Variants in EXOC4 observed in about 807,000 individuals in gnomAD.
The protein encoded by EXOC4 is SEC8-like 1.
EXOC4 carries 71 observed loss-of-function variants against 107.2 expected under a neutral mutation model. The ratio of observed to expected loss-of-function variants is 0.66; its 90% CI spans 0.55 to 0.81. EXOC4 has a LOEUF of 0.81. Among genes scored for constraint, EXOC4 ranks in the 30% least tolerant of loss-of-function variants. The pLI is 0.00. For missense variants in EXOC4, 1,108 were observed against 1,189.6 expected, an observed-to-expected ratio of 0.93 and a Z score of 1.01; for synonymous variants, 456 against 441.2, an observed-to-expected ratio of 1.03 and a Z score of -0.42.
At chr7:133,424,901 C>G (rs1020377709) in intron 7 of EXOC4, among the ~76,000 whole-genome samples, 1 of 152,150 alleles carries the variant, frequency 6.6e-6, no homozygotes, top group South Asian at 2.1e-4. Context: ...GAGGCAAAGC[C>G]TGTATAAACT....
rs527410978 is a variant in EXOC4 at position 133,518,009 on chromosome 7, T to A, written c.1417+37871T>A. On this transcript the variant is annotated intron_variant, in intron 9 of 17. Coordinates refer to ENST00000253861, the MANE Select transcript of EXOC4 (RefSeq NM_021807.4). ...GACTGGCTCGATTAGGGTTGGATGA[T>A]CTAGGATGGTGCCAGATGGGATGCT... Among the ~76,000 whole-genome samples, 3 of 152,028 alleles carry A rather than the reference T, an allele frequency of 2.0e-5. No individual in the cohort carries two copies. In the East Asian group the frequency reaches 5.8e-4, roughly 29 times the overall value.
intron 10 of EXOC4, among the ~76,000 whole-genome samples, chr7:133,674,386 T>TA (rs1462933917): frequency 7.2e-5 from 11 of 152,234 alleles, no homozygotes; most frequent in Admixed American, 2.6e-4. Context: ...TGGATTTTTT[T>TA]ATACATTCAT....
Position 133,884,016 on chromosome 7 carries a change from G to C in EXOC4, c.1735-11583G>C, listed in dbSNP as rs189801990. On this transcript the variant is annotated intron_variant, in intron 11 of 17. Transcript: ENST00000253861. ...CAGCTTAGAGCTGATAGTAACTGGA[G>C]AGACAATATGATATGACAAGTTTTA... 3.4e-3 allele frequency among the ~76,000 whole-genome samples: 522 copies of C among 152,330 alleles called. 4 individuals are homozygous for C. Among genetic ancestry groups the C allele is most frequent in the Admixed American group, 6.5e-3 (100 of 15,298 alleles).
intron 9 of EXOC4, among the ~76,000 whole-genome samples, chr7:133,535,047 C>T (rs1270819834): frequency 6.6e-6 from 1 of 152,120 alleles, no homozygotes; most frequent in African/African-American, 2.4e-5. Flanking sequence ...CATTTGTGCT[C>T]ACAATATCTG....
downstream of EXOC4, chr7:134,066,586 T>A (rs1796180849): frequency 6.6e-6 from 1 of 152,180 alleles, no homozygotes; most frequent in Non-Finnish European, 1.5e-5. Context: ...CAGTCTTTAT[T>A]CTTCCACAGG....
chr7:134,021,630 G>A (rs2346443), intron 17 of EXOC4, among the ~76,000 whole-genome samples: 113,819 of 151,496 alleles, frequency 0.75, 43,949 homozygotes, highest in African/African-American at 0.93. Context: ...GTTGCCGTGT[G>A]ATGATTTCCA....
At chr7:133,456,206 A>G (rs1309815030) in intron 7 of EXOC4, among the ~76,000 whole-genome samples, 3 of 152,198 alleles carry the variant, frequency 2.0e-5, no homozygotes, top group African/African-American at 7.2e-5. Context: ...TCTTCTTGCA[A>G]GTTACTGTGA....
intron 6 of EXOC4, among the ~76,000 whole-genome samples, chr7:133,367,614 C>G (rs1034342800): frequency 6.6e-6 from 1 of 152,158 alleles, no homozygotes; most frequent in Admixed American, 6.5e-5. Flanking sequence ...ACTTTGGCCT[C>G]TCTTCTAAAA....
chr7:133,535,029 T>C (rs2150925045), intron 9 of EXOC4, among the ~76,000 whole-genome samples: 1 of 152,294 alleles, frequency 6.6e-6, no homozygotes, highest in East Asian at 1.9e-4. Context: ...GGAGACGAGA[T>C]GGGCCCTCAT....
chr7:133,999,873 A>G (rs1191840831), intron 15 of EXOC4, among the ~76,000 whole-genome samples: 2 of 152,132 alleles, frequency 1.3e-5, no homozygotes, highest in Non-Finnish European at 2.9e-5. Context: ...TCTTGGCAAT[A>G]CTCTTCTTAA....
intron 10 of EXOC4, among the ~76,000 whole-genome samples, chr7:133,801,650 C>T (rs1489571267): frequency 2.6e-5 from 4 of 152,164 alleles, no homozygotes; most frequent in African/African-American, 9.7e-5. Flanking sequence ...AACCAGGTTA[C>T]AGAGAAACCC....
At chr7:133,551,679 C>T (rs1241903021) in intron 9 of EXOC4, 1 of 152,104 alleles carries the variant, frequency 6.6e-6, no homozygotes, top group African/African-American at 2.4e-5. Context: ...TATGGATCTC[C>T]ATATGGTGCT....
intron 9 of EXOC4, among the ~76,000 whole-genome samples, chr7:133,587,675 G>T (rs1158729256): frequency 6.6e-6 from 1 of 152,184 alleles, no homozygotes; most frequent in African/African-American, 2.4e-5. Flanking sequence ...AGTTAAATTT[G>T]TCCTCCAGAT....
intron 10 of EXOC4, among the ~76,000 whole-genome samples, chr7:133,708,753 T>A (rs1041516352): frequency 2.0e-5 from 3 of 152,244 alleles, no homozygotes; most frequent in African/African-American, 7.2e-5. Context: ...GTATACTTAT[T>A]AACAGATTCA....
Position 133,805,330 on chromosome 7 carries a change from C to T in EXOC4, c.1515-11995C>T, listed in dbSNP as rs184761682. Among the ~76,000 whole-genome samples the T allele has an allele frequency of 2.5e-3, 374 of 152,036 alleles. 3 individuals carry two copies. The highest frequency in any genetic ancestry group is 8.4e-3 in the African/African-American group (348 of 41,458). On this transcript the variant is annotated intron_variant, in intron 10 of 17. Transcript: ENST00000253861. ...AATGCAAGGGAACAGTAGAAATAGA[C>T]CACATGATCATTATAAGAAAAGGCA... is the stretch of plus-strand genomic sequence containing the variant.
rs397890140 is a variant in EXOC4 at position 133,659,000 on chromosome 7, C to CTTTTTTTTTTT, written c.1514+28878_1514+28888dup. Among the ~76,000 whole-genome samples the CTTTTTTTTTTT allele has an allele frequency of 2.2e-4, 9 of 40,138 alleles. 2 individuals carry two copies. The highest frequency in any genetic ancestry group is 9.1e-4 in the African/African-American group (9 of 9,842). 26.3% of individuals were successfully genotyped at this position (40,138 alleles called of 152,430 possible). A position where few individuals can be genotyped will look rare whatever the true frequency, so the allele number is the denominator to read the frequency against. ...TGATTTGGTGAAGACTTCAGAGAAG[C>CTTTTTTTTTTT]TTTTTTTTTTTTTTTTTTTTTTTTT... On this transcript the variant is annotated intron_variant, in intron 10 of 17. Transcript: ENST00000253861.
intron 14 of EXOC4, among the ~76,000 whole-genome samples, chr7:133,988,335 A>G (rs1794164690): frequency 6.6e-6 from 1 of 152,206 alleles, no homozygotes; most frequent in African/African-American, 2.4e-5. Context: ...AAAACTAAGG[A>G]GAAAGTTAGA....
At chr7:133,993,103 C>T (rs10046523) in intron 14 of EXOC4, among the ~76,000 whole-genome samples, 43 of 152,240 alleles carry the variant, frequency 2.8e-4, no homozygotes, top group African/African-American at 9.1e-4. Flanking sequence ...ATGAATCCCA[C>T]TTGATCACAG....
At chr7:134,020,053 T>C (rs1344852641) in intron 17 of EXOC4, among the ~76,000 whole-genome samples, 1 of 152,162 alleles carries the variant, frequency 6.6e-6, no homozygotes, top group East Asian at 1.9e-4. Flanking sequence ...GAGACCACTC[T>C]CTCAGAATCT....
Sources: allele counts gnomAD v4.1 joint callset (sites outside exome capture counted in the v4.1 genomes callset), GRCh38; gene constraint gnomAD v4.1.1; transcripts MANE v1.5; gene names NCBI Gene and HGNC (gene_info 2026-07-23, HGNC 2026-07-21).